The following DNAH1 variants were observed in gnomAD, a reference collection of about 807,000 sequenced individuals.
The protein encoded by DNAH1 is dynein axonemal heavy chain 1.
A neutral mutation model predicts 484.3 loss-of-function variants in DNAH1; 327 were observed. That is an observed-to-expected ratio of 0.68 (90% CI 0.62 to 0.74). The LOEUF is 0.74. DNAH1 is among the 30% of genes least tolerant of loss of function. The pLI is 0.00. For synonymous variants in DNAH1, 2,192 were observed against 2,191.9 expected, an observed-to-expected ratio of 1.00 and a Z score of 0.00; for missense variants, 5,052 against 5,546.8, an observed-to-expected ratio of 0.91 and a Z score of 2.83.
intron 52 of DNAH1, 43 bp downstream of exon 52, chr3:52,384,074 T>G: frequency 1.3e-6 from 2 of 1,516,660 alleles, no homozygotes; most frequent in Non-Finnish European, 1.8e-6. Context: ...GAGACCTGTT[T>G]AGCTTGGGGC....
At chr3:52,391,768 C>T (rs1578199610) in intron 63 of DNAH1, among the ~76,000 whole-genome samples, 165 bp downstream of exon 63, 1 of 152,210 alleles carries the variant, frequency 6.6e-6, no homozygotes, top group African/African-American at 2.4e-5. Context: ...AGCACTTCCA[C>T]CAGCTCCTCC....
rs1179933868 is a variant in DNAH1 at position 52,361,400 on chromosome 3, C to T, written c.4874+48C>T. 2 of 1,496,628 alleles carry T rather than the reference C, an allele frequency of 1.3e-6. No homozygotes were observed. Among genetic ancestry groups the T allele is most frequent in the Admixed American group, 2.2e-5 (1 of 44,554 alleles). 92.7% of individuals were successfully genotyped at this position (1,496,628 alleles called of 1,614,324 possible). A position where few individuals can be genotyped will look rare whatever the true frequency, so the allele number is the denominator to read the frequency against. On this transcript the variant is annotated intron_variant, in intron 29 of 77. Coordinates refer to ENST00000420323, the MANE Select transcript of DNAH1 (RefSeq NM_015512.5). The surrounding 1 kb of genome is among the most constrained non-coding windows in gnomAD (Gnocchi z 5.6). The stretch of plus-strand genomic sequence containing the variant: ...CACAGGATGGGGTGGGACAGCCTAG[C>T]TCTCCTTGGGGAGGGCTAGGTGAGG...
intron 56 of DNAH1, 33 bp from the exon 57 acceptor site, chr3:52,388,134 G>A (rs1369999678): frequency 6.3e-7 from 1 of 1,591,736 alleles, no homozygotes; most frequent in Admixed American, 1.8e-5. Flanking sequence ...CCCTTGAGAA[G>A]CAGCCTCTTG....
intron 1 of DNAH1, 111 bp from the exon 2 acceptor site, chr3:52,322,298 C>T (rs1701175951): frequency 2.9e-6 from 2 of 686,386 alleles, no homozygotes; most frequent in African/African-American, 3.6e-5. Context: ...CTTCTGTTAC[C>T]CATGGGTCAT....
rs1197144555 is a variant in DNAH1, at chr3:52,386,762, C to T, written c.8912C>T (p.Pro2971Leu). Residue 2971 changes from proline (P) to leucine (L), a missense_variant, in exon 56 of 78, where the codon CCA becomes CTA. Pro to Leu is a moderately conservative substitution (Grantham distance 98, BLOSUM62 -3). Around this residue, in one of 4 missense-constraint regions of DNAH1, gnomAD observed 2,929 missense variants for 3,409.4 expected, o/e 0.86. Transcript: ENST00000420323. ...IKPKKVPGEK[P>L]GTKVDDYWEP... ...CCCAAGAAGGTGCCTGGAGAAAAGC[C>T]AGGCACCAAGGTGGATGACTACTGG... 1.1e-5 allele frequency: 18 copies of T among 1,588,024 alleles called. No individual in the cohort carries two copies. Among genetic ancestry groups the T allele is most frequent in the Admixed American group, 1.8e-5 (1 of 56,054 alleles).
chr3:52,326,716 C>G lies in DNAH1; in HGVS notation c.582-19C>G, dbSNP rs1188626824. On this transcript the variant is annotated intron_variant, in intron 4 of 77. Coordinates refer to ENST00000420323, the MANE Select transcript of DNAH1 (RefSeq NM_015512.5). ...CACGAGCCAAGCCATCCTGAGGTCC[C>G]CTCCCTGCCCTTGACCAGGAGGAAA... The G allele has an allele frequency of 6.4e-7, 1 of 1,568,084 alleles. No homozygotes were observed. Among genetic ancestry groups the G allele is most frequent in the East Asian group, 2.3e-5 (1 of 44,244 alleles).
rs149319231 is a variant in DNAH1, at chr3:52,375,377, A to C, written c.7123A>C (p.Lys2375Gln). Residue 2375 changes from lysine (K) to glutamine (Q), a missense_variant, in exon 45 of 78, where the codon AAA becomes CAA. Around this residue, in one of 4 missense-constraint regions of DNAH1, gnomAD observed 2,929 missense variants for 3,409.4 expected, o/e 0.86. Coordinates refer to ENST00000420323, the MANE Select transcript of DNAH1 (RefSeq NM_015512.5). ...SFAEMDEVSKKRIFSTILGNW... is the reference protein window; with the variant it reads ...SFAEMDEVSKQRIFSTILGNW... ...CGCTGAGATGGACGAGGTCAGCAAG[A>C]AACGCATCTTCTCCACCATCCTGGG... is the stretch of plus-strand genomic sequence containing the variant. 241 of 1,613,756 alleles carry C rather than the reference A, an allele frequency of 1.5e-4. 1 individual carries two copies. In the African/African-American group the frequency reaches 2.7e-3, roughly 18 times the overall value.
chr3:52,363,226 G>C, intron 32 of DNAH1, 82 bp downstream of exon 32: 1 of 1,562,726 alleles, frequency 6.4e-7, no homozygotes. Flanking sequence ...TGAGGGCCAG[G>C]CTCTATGCCC....
chr3:52,385,369 G>C lies in DNAH1; in HGVS notation c.8547G>C (p.Met2849Ile). ...GCACTTCTGAGGATGTAGCCAAGAT[G>C]CAGGAGGACCTGGAGAGTATGCACC... ...LLRTSEDVAK[M>I]QEDLESMHPL... The change falls in exon 54 of 78, where the codon ATG becomes ATC. Residue 2849 changes from methionine to isoleucine, a missense_variant. Met to Ile is a conservative substitution (Grantham distance 10). This residue lies in a region of DNAH1 where 2,929 missense variants were observed against 3,409.4 expected (regional missense o/e 0.86). Transcript: ENST00000420323. The C allele has an allele frequency of 6.4e-7, 1 of 1,552,794 alleles. No homozygotes were observed. The highest frequency in any genetic ancestry group is 8.7e-7 in the Non-Finnish European group (1 of 1,147,600).
At chr3:52,398,375 G>A (rs771963163) in intron 75 of DNAH1, among the ~76,000 whole-genome samples, 4 of 152,122 alleles carry the variant, frequency 2.6e-5, no homozygotes, top group Non-Finnish European at 5.9e-5. Context: ...TCCACCTCCC[G>A]GGTTCAAGCG....
Position 52,326,173 on chromosome 3 carries a change from A to C in DNAH1, c.440A>C (p.Glu147Ala). 1 of 1,611,936 alleles carries C rather than the reference A, an allele frequency of 6.2e-7. No homozygotes were observed. Among genetic ancestry groups the C allele is most frequent in the Non-Finnish European group, 8.5e-7 (1 of 1,178,982 alleles). The change falls in exon 4 of 78, where the codon GAG becomes GCG. Residue 147 changes from glutamate to alanine, a missense_variant. Glu to Ala is a moderately radical substitution (Grantham distance 107). Around this residue, in one of 4 missense-constraint regions of DNAH1, gnomAD observed 1,263 missense variants for 1,218.8 expected, o/e 1.04. Coordinates refer to ENST00000420323, the MANE Select transcript of DNAH1 (RefSeq NM_015512.5). ...TTTGAGGTTCCTGAAGACTTCCAGG[A>C]GCGCATGGAGCAGCAGTGCATCGGG... Reference protein sequence around the residue: ...GSFEVPEDFQERMEQQCIGST... With the variant: ...GSFEVPEDFQARMEQQCIGST...
chr3:52,369,814 C>T lies in DNAH1; in HGVS notation c.5944-11C>T. On this transcript the variant is annotated splice_polypyrimidine_tract_variant and intron_variant, in intron 37 of 77. Transcript: ENST00000420323. ...CAGCCAGCCCACTCATTTGGTTCGT[C>T]TTGGCACCAGGCAATGACCATGATG... is the stretch of plus-strand genomic sequence containing the variant. The T allele has an allele frequency of 1.9e-6, 3 of 1,598,504 alleles. No individual in the cohort carries two copies. Among genetic ancestry groups the T allele is most frequent in the Non-Finnish European group, 2.6e-6 (3 of 1,168,890 alleles).
In DNAH1 at chr3:52,400,391, C is replaced by T; in HGVS notation, c.12743C>T (p.Pro4248Leu). The T allele has an allele frequency of 1.2e-6, 2 of 1,614,040 alleles. No homozygotes were observed. The highest frequency in any genetic ancestry group is 1.7e-6 in the Non-Finnish European group (2 of 1,179,892). Residue 4248 changes from proline to leucine, a missense_variant, in exon 78 of 78, where the codon CCC becomes CTC. By Grantham distance (98) the Pro-to-Leu change is moderately conservative. Coordinates refer to ENST00000420323, the MANE Select transcript of DNAH1 (RefSeq NM_015512.5). ...VIAVEIPTHQPQRHWIKRGVA... is the reference protein window; with the variant it reads ...VIAVEIPTHQLQRHWIKRGVA... ...GCTGTGGAGATCCCCACCCATCAGC[C>T]CCAGCGACACTGGATAAAGCGTGGT... is the stretch of plus-strand genomic sequence containing the variant.
Position 52,395,810 on chromosome 3 carries a change from G to C in DNAH1, c.11259+132G>C. On this transcript the variant is annotated intron_variant, in intron 70 of 77. Transcript: ENST00000420323. The surrounding 1 kb of genome is among the most constrained non-coding windows in gnomAD (Gnocchi z 4.4). ...AGCACGTGGCAAGTGCTCAGCAACTGACATGTGCCACACATCGACATCATT... is the reference window on the plus strand; with the variant it reads ...AGCACGTGGCAAGTGCTCAGCAACTCACATGTGCCACACATCGACATCATT... 2.3e-6 allele frequency: 3 copies of C among 1,298,444 alleles called. No individual in the cohort carries two copies. Among genetic ancestry groups the C allele is most frequent in the Non-Finnish European group, 3.2e-6 (3 of 942,438 alleles). 80.4% of individuals were successfully genotyped at this position (1,298,444 alleles called of 1,614,324 possible). A position where few individuals can be genotyped will look rare whatever the true frequency, so the allele number is the denominator to read the frequency against.
Position 52,361,392 on chromosome 3 carries a change from C to G in DNAH1, c.4874+40C>G. 9 of 1,501,570 alleles carry G rather than the reference C, an allele frequency of 6.0e-6. No homozygotes were observed. Among genetic ancestry groups the G allele is most frequent in the Non-Finnish European group, 8.0e-6 (9 of 1,120,348 alleles). The allele number at this position is 1,501,570 out of a possible 1,614,324, so 93.0% of individuals were successfully genotyped here. A position where few individuals can be genotyped will look rare whatever the true frequency, so the allele number is the denominator to read the frequency against. On this transcript the variant is annotated intron_variant, in intron 29 of 77. Transcript: ENST00000420323. This position sits in a 1 kb window ranked among gnomAD's most constrained non-coding sequence, Gnocchi z 5.6. ...GAGCGTGGCACAGGATGGGGTGGGACAGCCTAGCTCTCCTTGGGGAGGGCT... is the reference window on the plus strand; with the variant it reads ...GAGCGTGGCACAGGATGGGGTGGGAGAGCCTAGCTCTCCTTGGGGAGGGCT...
chr3:52,320,160 G>A (rs1250890547), intron 1 of DNAH1, among the ~76,000 whole-genome samples: 1 of 152,236 alleles, frequency 6.6e-6, no homozygotes, highest in Non-Finnish European at 1.5e-5. Context: ...GCTCTGTTGG[G>A]TGATTTTGTT....
At chr3:52,369,788 G>GC in intron 37 of DNAH1, 37 bp from the exon 38 acceptor site, 1 of 1,573,562 alleles carries the variant, frequency 6.4e-7, no homozygotes, top group South Asian at 1.2e-5. Flanking sequence ...CTGAGGACTG[G>GC]CAGCCAGCCC....
At chr3:52,386,083 C>A in intron 54 of DNAH1, 77 bp from the exon 55 acceptor site, 5 of 1,473,086 alleles carry the variant, frequency 3.4e-6, no homozygotes, top group Non-Finnish European at 4.5e-6. Flanking sequence ...GGCACCCCAA[C>A]TCTCCTTCCA....
chr3:52,340,622 A>T (rs1481289950), intron 8 of DNAH1, among the ~76,000 whole-genome samples: 2 of 150,158 alleles, frequency 1.3e-5, no homozygotes, highest in Non-Finnish European at 3.0e-5. Context: ...TTTAGTAGAG[A>T]CGGGGCTTCA....
Sources: allele counts gnomAD v4.1 joint callset (sites outside exome capture counted in the v4.1 genomes callset), GRCh38; gene constraint gnomAD v4.1.1; regional missense constraint gnomAD v4.1.1; non-coding constraint Gnocchi (gnomAD v3.1); transcripts MANE v1.5; gene names NCBI Gene and HGNC (gene_info 2026-07-23, HGNC 2026-07-21).